AUTS2: variants seen among roughly 807,000 people sequenced by gnomAD.
AUTS2 encodes autism susceptibility gene 2 protein.
A neutral mutation model predicts 112.4 loss-of-function variants in AUTS2; 17 were observed. That is an observed-to-expected ratio of 0.15 (90% confidence interval 0.10 to 0.23). AUTS2 has a LOEUF of 0.23. AUTS2 is among the 10% of genes least tolerant of loss of function. The pLI is 1.00. For missense variants in AUTS2, 1,510 were observed against 1,701.6 expected (o/e 0.89, Z 1.98); for synonymous variants, 751 against 702.7 (o/e 1.07, Z -1.09).
At chr7:70,221,793 C>T (rs967321092) in intron 4 of AUTS2, among the ~76,000 whole-genome samples, 6 of 152,082 alleles carry the variant, frequency 3.9e-5, no homozygotes, top group South Asian at 4.1e-4. Flanking sequence ...AGGCTGAGGC[C>T]GGAGAATTAC....
chr7:70,212,101 C>G (rs1810938688), intron 4 of AUTS2, among the ~76,000 whole-genome samples: 2 of 152,194 alleles, frequency 1.3e-5, no homozygotes, highest in Admixed American at 1.3e-4. Flanking sequence ...TCAAACTTTG[C>G]ACACTTCTAG....
chr7:69,805,640 A>T (rs1468342660), intron 1 of AUTS2, among the ~76,000 whole-genome samples: 1 of 152,240 alleles, frequency 6.6e-6, no homozygotes, highest in Admixed American at 6.5e-5. Flanking sequence ...TACAGAAGGA[A>T]CCAAGCAACG....
At chr7:69,906,217 G>A (rs935530328) in intron 2 of AUTS2, among the ~76,000 whole-genome samples, 1 of 152,210 alleles carries the variant, frequency 6.6e-6, no homozygotes, top group African/African-American at 2.4e-5. Flanking sequence ...GTGTATTTTT[G>A]TGCTGATTAA....
At chr7:69,877,607 T>G (rs780360681) in intron 1 of AUTS2, among the ~76,000 whole-genome samples, 3 of 152,200 alleles carry the variant, frequency 2.0e-5, no homozygotes, top group Non-Finnish European at 4.4e-5. Flanking sequence ...AACTCTTGCC[T>G]CCTCCCTCCC....
intron 1 of AUTS2, among the ~76,000 whole-genome samples, chr7:69,759,872 AAAGGTTCAGTTTTGTATGG>A (rs1010651079): frequency 6.9e-6 from 1 of 144,668 alleles, no homozygotes; most frequent in Non-Finnish European, 1.5e-5. Flanking sequence ...TACTGGCCAT[AAAGGTTCAGTTTTGTATGG>A]GATCTTCTGT....
chr7:70,259,939 T>C (rs1787077425), intron 4 of AUTS2, among the ~76,000 whole-genome samples: 1 of 151,830 alleles, frequency 6.6e-6, no homozygotes. Flanking sequence ...ATGAAAACTG[T>C]GGTTAAAACT....
At chr7:70,676,877 CA>C (rs5884793) in intron 5 of AUTS2, among the ~76,000 whole-genome samples, 3 of 149,512 alleles carry the variant, frequency 2.0e-5, no homozygotes, top group African/African-American at 4.9e-5. Flanking sequence ...GATTCCATCT[CA>C]AAAAAAAAAG....
At chr7:70,517,590 ATATAT>A (rs1178192842) in intron 5 of AUTS2, among the ~76,000 whole-genome samples, 1 of 148,234 alleles carries the variant, frequency 6.7e-6, no homozygotes, top group Non-Finnish European at 1.5e-5. Context: ...CATATATAAT[ATATAT>A]TATAATTAAA....
chr7:69,806,450 A>G (rs1247878890), intron 1 of AUTS2, among the ~76,000 whole-genome samples: 3 of 151,042 alleles, frequency 2.0e-5, no homozygotes, highest in African/African-American at 7.3e-5. Context: ...GATGAGCTAC[A>G]CTCTGTTTGT....
chr7:70,416,706 C>G (rs184127685), intron 4 of AUTS2, among the ~76,000 whole-genome samples: 1 of 152,380 alleles, frequency 6.6e-6, no homozygotes, highest in Non-Finnish European at 1.5e-5. Context: ...GCTGCTACCA[C>G]AGCCCTGCCG....
intron 5 of AUTS2, among the ~76,000 whole-genome samples, chr7:70,476,779 G>A (rs577900484): frequency 1.3e-5 from 2 of 152,156 alleles, no homozygotes; most frequent in African/African-American, 4.8e-5. Context: ...GTAATACCTA[G>A]CTCAAAAATT....
intron 1 of AUTS2, among the ~76,000 whole-genome samples, chr7:69,769,327 C>CA (rs1401008034): frequency 1.3e-5 from 2 of 152,176 alleles, no homozygotes; most frequent in African/African-American, 4.8e-5. Flanking sequence ...AGTGTGTACA[C>CA]AGTGTCACTG....
At chr7:69,623,566 T>C (rs182484312) in intron 1 of AUTS2, among the ~76,000 whole-genome samples, 131 of 152,062 alleles carry the variant, frequency 8.6e-4, no homozygotes, top group African/African-American at 3.0e-3. Flanking sequence ...TTTGTTTGTT[T>C]GTTTTTAACA....
chr7:70,327,017 A>G (rs1197639945), intron 4 of AUTS2, among the ~76,000 whole-genome samples: 1 of 147,776 alleles, frequency 6.8e-6, no homozygotes, highest in Admixed American at 7.0e-5. Flanking sequence ...TTCTGGGTTC[A>G]AGTGATTCTC....
Position 69,899,510 on chromosome 7 carries a change from T to C in AUTS2, c.522+12T>C. On this transcript the variant is annotated intron_variant, in intron 2 of 18. Transcript: ENST00000342771. ...AGGCACTCAGACAGGTGAGGAAGCT[T>C]GGGTTCGCTCTTTCCTGTGGCGGCA... is the stretch of plus-strand genomic sequence containing the variant. 1.2e-6 allele frequency: 2 copies of C among 1,613,556 alleles called. No individual in the cohort carries two copies. The highest frequency in any genetic ancestry group is 1.7e-6 in the Non-Finnish European group (2 of 1,179,608).
chr7:69,879,120 CTG>C (rs5884770), intron 1 of AUTS2, among the ~76,000 whole-genome samples: 9,267 of 147,668 alleles, frequency 0.063, 339 homozygotes, highest in Middle Eastern at 0.12. Context: ...TTGAGACTTT[CTG>C]TGTGTGTGTG....
chr7:69,688,093 G>A (rs1241477799), intron 1 of AUTS2, among the ~76,000 whole-genome samples: 3 of 152,186 alleles, frequency 2.0e-5, no homozygotes, highest in Admixed American at 2.0e-4. Context: ...GAGTAAATAC[G>A]CATTTGAACA....
Position 70,443,298 on chromosome 7 carries a change from G to A in AUTS2, c.690+7517G>A, listed in dbSNP as rs546765160. 3.5e-4 allele frequency among the ~76,000 whole-genome samples: 53 copies of A among 152,284 alleles called. 1 individual carries two copies. The highest frequency in any genetic ancestry group is 1.2e-3 in the African/African-American group (49 of 41,556). On this transcript the variant is annotated intron_variant, in intron 5 of 18. Coordinates refer to ENST00000342771, the MANE Select transcript of AUTS2 (RefSeq NM_015570.4). ...CGCAATAGGTGGGTGGTGGAGAAGG[G>A]CACTCAGAAGACCCAATTCCTGATT...
At chr7:70,370,214 A>G (rs1027251297) in intron 4 of AUTS2, among the ~76,000 whole-genome samples, 12 of 152,178 alleles carry the variant, frequency 7.9e-5, no homozygotes, top group Admixed American at 2.0e-4. Context: ...ATACACTTCC[A>G]TGTTTTTTAA....
Sources: gnomAD v4.1 joint callset for allele counts (sites outside exome capture counted in the v4.1 genomes callset) on GRCh38, gnomAD v4.1.1 for gene constraint, MANE v1.5 for transcripts, NCBI Gene and HGNC (gene_info 2026-07-23, HGNC 2026-07-21) for gene names.